The following MAST4 variants were observed in gnomAD, a reference collection of about 807,000 sequenced individuals.
MAST4 encodes microtubule associated serine/threonine kinase family member 4.
A neutral mutation model predicts 162.7 loss-of-function variants in MAST4; 89 were observed. That is an observed-to-expected ratio of 0.55 (90% CI 0.46 to 0.65). The LOEUF is 0.65. MAST4 is among the 30% of genes least tolerant of loss of function. The probability of loss-of-function intolerance (pLI) is 0.00; values close to 1 mark genes in which losing one functional copy is unlikely to be tolerated. For missense variants in MAST4, 3,153 were observed against 3,374.0 expected, an observed-to-expected ratio of 0.93 and a Z score of 1.62; for synonymous variants, 1,479 against 1,361.1, an observed-to-expected ratio of 1.09 and a Z score of -1.91.
At chr5:67,148,182 G>A (rs554681522) in intron 23 of MAST4, among the ~76,000 whole-genome samples, 2 of 152,292 alleles carry the variant, frequency 1.3e-5, no homozygotes, top group East Asian at 1.9e-4. Context: ...TTATAGTGGT[G>A]TTAATACTCT....
intron 1 of MAST4, among the ~76,000 whole-genome samples, chr5:66,698,428 T>C (rs975430870): frequency 3.3e-5 from 5 of 150,950 alleles, no homozygotes; most frequent in Non-Finnish European, 7.4e-5. Context: ...TGTTCCTGGC[T>C]GTCCTACCCC....
intron 5 of MAST4, among the ~76,000 whole-genome samples, chr5:67,086,092 C>G (rs1484789316): frequency 6.6e-6 from 1 of 152,196 alleles, no homozygotes; most frequent in Non-Finnish European, 1.5e-5. Context: ...GCAAATGTCA[C>G]AACTCATTTA....
At chr5:66,869,119 T>C (rs778315241) in intron 3 of MAST4, among the ~76,000 whole-genome samples, 3 of 152,140 alleles carry the variant, frequency 2.0e-5, no homozygotes, top group Non-Finnish European at 4.4e-5. Context: ...AATCATTCCA[T>C]AGGGAAGGTT....
chr5:66,743,541 G>A (rs1318637121), intron 1 of MAST4, among the ~76,000 whole-genome samples: 1 of 152,226 alleles, frequency 6.6e-6, no homozygotes, highest in African/African-American at 2.4e-5. Flanking sequence ...GCCTGGCACT[G>A]GGTCAGAGTC....
chr5:66,609,691 GTTTTT>G (rs796660631), intron 1 of MAST4, among the ~76,000 whole-genome samples: 22 of 117,506 alleles, frequency 1.9e-4, no homozygotes, highest in South Asian at 1.8e-3. Flanking sequence ...CCAGCCTGGT[GTTTTT>G]TTTTTTTTGT....
chr5:67,058,291 T>G (rs1561589242), intron 5 of MAST4, among the ~76,000 whole-genome samples: 1 of 152,176 alleles, frequency 6.6e-6, no homozygotes, highest in African/African-American at 2.4e-5. Context: ...AGCAAAGATA[T>G]GGGAAAGCGG....
intron 1 of MAST4, among the ~76,000 whole-genome samples, chr5:66,601,695 G>A (rs940225482): frequency 7.9e-5 from 12 of 152,174 alleles, no homozygotes; most frequent in Non-Finnish European, 1.2e-4. Flanking sequence ...GTGTGGAGGA[G>A]AGAAGAGCAT....
chr5:67,104,625 A>G (rs1279868707), intron 10 of MAST4, 50 bp downstream of exon 10: 9 of 1,519,906 alleles, frequency 5.9e-6, no homozygotes, highest in Non-Finnish European at 7.2e-6. Context: ...CTTTTCCCTG[A>G]AAAAAATTTT....
At chr5:67,033,794 A>T (rs1755677727) in intron 4 of MAST4, among the ~76,000 whole-genome samples, 1 of 152,172 alleles carries the variant, frequency 6.6e-6, no homozygotes, top group Non-Finnish European at 1.5e-5. Flanking sequence ...TGATAAGCAA[A>T]ATAAGTTTAG....
At chr5:67,143,252 T>G (rs1228723767) in intron 21 of MAST4, among the ~76,000 whole-genome samples, 5 of 141,344 alleles carry the variant, frequency 3.5e-5, no homozygotes, top group Admixed American at 7.6e-5. Flanking sequence ...GAGACCCCGT[T>G]CTCCACAAAA....
intron 4 of MAST4, among the ~76,000 whole-genome samples, chr5:67,044,502 C>T (rs993329403): frequency 6.6e-6 from 1 of 152,140 alleles, no homozygotes; most frequent in Non-Finnish European, 1.5e-5. Flanking sequence ...ATAAATCCTT[C>T]CTTCCTCCCC....
intron 4 of MAST4, among the ~76,000 whole-genome samples, chr5:67,022,812 T>C (rs540135507): frequency 4.4e-4 from 67 of 152,308 alleles, no homozygotes; most frequent in Non-Finnish European, 8.1e-4. Context: ...CCATCTTCAA[T>C]TGATCTGATT....
At chr5:66,602,780 C>T (rs1164519588) in intron 1 of MAST4, among the ~76,000 whole-genome samples, 1 of 152,138 alleles carries the variant, frequency 6.6e-6, no homozygotes, top group Non-Finnish European at 1.5e-5. Context: ...CATTCTTCTC[C>T]TTCATTCCTT....
chr5:66,724,187 C>T (rs528716204), intron 1 of MAST4, among the ~76,000 whole-genome samples: 1 of 152,152 alleles, frequency 6.6e-6, no homozygotes, highest in Non-Finnish European at 1.5e-5. Context: ...GCTCAGTTCA[C>T]TGTATTCTCT....
intron 4 of MAST4, chr5:66,958,768 C>T (rs1745622239): frequency 6.4e-6 from 1 of 155,798 alleles, no homozygotes; most frequent in African/African-American, 2.4e-5. Flanking sequence ...GTAAGATGAG[C>T]CTCCTCAGGG....
intron 1 of MAST4, among the ~76,000 whole-genome samples, chr5:66,732,649 G>A (rs1751926033): frequency 6.6e-6 from 1 of 152,160 alleles, no homozygotes; most frequent in African/African-American, 2.4e-5. Context: ...TTTGTTCTTT[G>A]AATGAAAAAC....
chr5:67,103,496 G>A (rs6867819), intron 9 of MAST4, among the ~76,000 whole-genome samples: 6,821 of 152,238 alleles, frequency 0.045, 392 homozygotes, highest in African/African-American at 0.13. Flanking sequence ...AGTTAATGCA[G>A]GTTAGGATAT....
intron 1 of MAST4, among the ~76,000 whole-genome samples, chr5:66,664,176 CT>C (rs1332865349): frequency 6.6e-6 from 1 of 151,944 alleles, no homozygotes; most frequent in Non-Finnish European, 1.5e-5. Flanking sequence ...TGGCTCACGC[CT>C]GTAATCCCAG....
chr5:67,120,878 T>TC, intron 13 of MAST4, 139 bp from the exon 14 acceptor site: 1 of 602,298 alleles, frequency 1.7e-6, no homozygotes, highest in Non-Finnish European at 2.9e-6. Flanking sequence ...TGTAAAGCTA[T>TC]CCCTCAGGTT....
Sources: gnomAD v4.1 joint callset for allele counts (sites outside exome capture counted in the v4.1 genomes callset) on GRCh38, gnomAD v4.1.1 for gene constraint, MANE v1.5 for transcripts, NCBI Gene and HGNC (gene_info 2026-07-23, HGNC 2026-07-21) for gene names.